Variants in PCDHGA4 observed in about 807,000 individuals in gnomAD.
PCDHGA4 encodes protocadherin gamma subfamily A, 4, also known as protocadherin gamma-A4.
A neutral mutation model predicts 54.6 loss-of-function variants in PCDHGA4; 38 were observed. The ratio of observed to expected loss-of-function variants is 0.70; its 90% CI spans 0.54 to 0.91. The LOEUF is 0.91. PCDHGA4 is among the 40% of genes least tolerant of loss of function. The pLI, the probability that PCDHGA4 is intolerant of heterozygous loss-of-function variation, is 0.00. For synonymous variants in PCDHGA4, 511 were observed against 512.9 expected (o/e 1.00, Z 0.05); for missense variants, 1,298 against 1,220.9 (o/e 1.06, Z -0.94).
intron 1 of PCDHGA4, chr5:141,398,413 T>G (rs774602022): frequency 1.3e-6 from 2 of 1,490,692 alleles, no homozygotes; most frequent in South Asian, 1.1e-5. Context: ...GGAGGAGATA[T>G]GCGGGAAGAA....
chr5:141,419,259 C>A (rs765877993), intron 1 of PCDHGA4: 11 of 1,614,016 alleles, frequency 6.8e-6, no homozygotes, highest in Non-Finnish European at 9.3e-6. Flanking sequence ...AACAACCAGC[C>A]GGGTGCCTCC....
At chr5:141,371,674 A>G (rs1767933506) in intron 1 of PCDHGA4, 2 of 1,613,896 alleles carry the variant, frequency 1.2e-6, no homozygotes, top group African/African-American at 2.7e-5. Context: ...GCTACCGACA[A>G]AGGCAATCCA....
chr5:141,449,693 G>A (rs2098652097), intron 1 of PCDHGA4, among the ~76,000 whole-genome samples: 1 of 150,164 alleles, frequency 6.7e-6, no homozygotes, highest in South Asian at 2.1e-4. Flanking sequence ...TTGTGTGTAT[G>A]TACACAAACA....
rs936419038 is a variant in PCDHGA4 at position 141,493,313 on chromosome 5, G to T, written c.2515-1494G>T. On this transcript the variant is annotated intron_variant, in intron 1 of 3. Transcript: ENST00000571252. This position sits in a 1 kb window ranked among gnomAD's most constrained non-coding sequence, Gnocchi z 4.3. ...TCAAGTTCACAGAGCAAGTAAGAGA[G>T]ATTCTAACCCCTGTCTAACTCCAGA... Among the ~76,000 whole-genome samples, 4 of 152,214 alleles carry T rather than the reference G, an allele frequency of 2.6e-5. No individual in the cohort carries two copies. Among genetic ancestry groups the T allele is most frequent in the Non-Finnish European group, 4.4e-5 (3 of 68,040 alleles).
chr5:141,399,436 C>T (rs550386808), intron 1 of PCDHGA4: 12 of 1,613,996 alleles, frequency 7.4e-6, no homozygotes, highest in Admixed American at 3.3e-5. Context: ...CGTCATCCTA[C>T]ATATCAGAGA....
intron 1 of PCDHGA4, chr5:141,419,395 G>A: frequency 6.2e-7 from 1 of 1,613,596 alleles, no homozygotes; most frequent in Non-Finnish European, 8.5e-7. Context: ...CGCAGAGCGG[G>A]GTGGTGTTCG....
intron 1 of PCDHGA4, chr5:141,413,140 A>G: frequency 1.3e-6 from 2 of 1,563,150 alleles, no homozygotes; most frequent in Non-Finnish European, 1.7e-6. Context: ...CAACGTGTCC[A>G]GTGAGGACTT....
At chr5:141,409,135 T>G (rs748247175) in intron 1 of PCDHGA4, 1 of 1,614,026 alleles carries the variant, frequency 6.2e-7, no homozygotes, top group Non-Finnish European at 8.5e-7. Context: ...ATTTTGAAGA[T>G]GTAGAAAGGT....
At chr5:141,384,596 C>T in intron 1 of PCDHGA4, 1 of 1,614,240 alleles carries the variant, frequency 6.2e-7, no homozygotes. Context: ...CTGTACCCGG[C>T]CCTCCCCACA....
At chr5:141,454,283 T>G (rs2098785864) in intron 1 of PCDHGA4, among the ~76,000 whole-genome samples, 1 of 152,134 alleles carries the variant, frequency 6.6e-6, no homozygotes, top group Non-Finnish European at 1.5e-5. Flanking sequence ...AACTTCACAT[T>G]AAAGGAACTC....
chr5:141,364,611 A>C, intron 1 of PCDHGA4: 1 of 1,614,182 alleles, frequency 6.2e-7, no homozygotes, highest in African/African-American at 1.3e-5. Context: ...GACCGGGAGG[A>C]GCTCTGCGCT....
chr5:141,402,197 A>G (rs1346156119), intron 1 of PCDHGA4, among the ~76,000 whole-genome samples: 5 of 152,132 alleles, frequency 3.3e-5, no homozygotes, highest in Non-Finnish European at 5.9e-5. Context: ...TATTACTTTT[A>G]TAATACAAAA....
intron 1 of PCDHGA4, chr5:141,420,333 A>G (rs778366534): frequency 2.1e-6 from 3 of 1,402,720 alleles, no homozygotes; most frequent in Non-Finnish European, 2.9e-6. Flanking sequence ...ATATATTCCA[A>G]TATAGTGGTA....
intron 1 of PCDHGA4, chr5:141,389,735 G>A: frequency 6.2e-7 from 1 of 1,612,708 alleles, no homozygotes; most frequent in Non-Finnish European, 8.5e-7. Flanking sequence ...TCTTCAGCCT[G>A]GGGCTGCGCA....
At chr5:141,478,074 A>G in intron 1 of PCDHGA4, 1 of 1,614,090 alleles carries the variant, frequency 6.2e-7, no homozygotes, top group Non-Finnish European at 8.5e-7. Context: ...GACAATGGGG[A>G]GCCTTCGCTC....
chr5:141,355,864 C>A lies in PCDHGA4; in HGVS notation c.757C>A (p.Arg253Ser). The change falls in exon 1 of 4, where the codon CGC (arginine) becomes AGC (serine). Residue 253 changes from arginine to serine, a missense_variant. Transcript: ENST00000571252. ...LTAFDGGDPV[R>S]SGTARILIIL... ...GGCCTTCGATGGAGGTGACCCGGTT[C>A]GCTCTGGCACTGCCAGGATTCTCAT... 3.7e-6 allele frequency: 6 copies of A among 1,612,570 alleles called. No individual in the cohort carries two copies. Among genetic ancestry groups the A allele is most frequent in the South Asian group, 3.3e-5 (3 of 90,848 alleles).
At position 141,447,140 on chromosome 5, in the gene PCDHGA4, T is replaced by C. The variant is rs770212881; in HGVS notation, c.2515-47667T>C. ...ATGGATTTTTTTGTTTGTTTGTTTT[T>C]TGTTTTTGTTTTTGTTTAAGCGGGG... On this transcript the variant is annotated intron_variant, in intron 1 of 3. Coordinates refer to ENST00000571252, the MANE Select transcript of PCDHGA4 (RefSeq NM_018917.4). Among the ~76,000 whole-genome samples the C allele has an allele frequency of 6.6e-5, 10 of 152,158 alleles. 1 individual carries two copies. Among genetic ancestry groups the C allele is most frequent in the Non-Finnish European group, 1.2e-4 (8 of 68,042 alleles).
intron 1 of PCDHGA4, among the ~76,000 whole-genome samples, chr5:141,382,133 T>A (rs1420684997): frequency 6.6e-6 from 1 of 152,068 alleles, no homozygotes; most frequent in Non-Finnish European, 1.5e-5. Context: ...TGGCCCCCCC[T>A]CTCATTTTTT....
At chr5:141,390,515 C>T (rs1325813784) in intron 1 of PCDHGA4, 1 of 575,082 alleles carries the variant, frequency 1.7e-6, no homozygotes, top group Middle Eastern at 4.7e-4. Flanking sequence ...ATTTATAAAG[C>T]AATGAGGGTG....
Sources: allele counts gnomAD v4.1 joint callset (sites outside exome capture counted in the v4.1 genomes callset), GRCh38; gene constraint gnomAD v4.1.1; non-coding constraint Gnocchi (gnomAD v3.1); transcripts MANE v1.5; gene names NCBI Gene and HGNC (gene_info 2026-07-23, HGNC 2026-07-21).